Variants in VSNL1 observed in about 807,000 individuals in gnomAD.
VSNL1 encodes visinin-like protein 1.
VSNL1 carries 6 observed loss-of-function variants against 20.4 expected under a neutral mutation model. The ratio of observed to expected loss-of-function variants is 0.29; its 90% CI spans 0.16 to 0.58. The LOEUF is 0.58. VSNL1 is among the 20% of genes least tolerant of loss of function. The pLI, the probability that VSNL1 is intolerant of heterozygous loss-of-function variation, is 0.90. For synonymous variants in VSNL1, 93 were observed against 86.4 expected (o/e 1.08, Z -0.42); for missense variants, 100 against 234.5 (o/e 0.43, Z 3.75).
At chr2:17,553,741 G>A (rs1387426401) in intron 1 of VSNL1, among the ~76,000 whole-genome samples, 1 of 152,202 alleles carries the variant, frequency 6.6e-6, no homozygotes, top group African/African-American at 2.4e-5. Flanking sequence ...TTGAGCCCCA[G>A]TCTTATTTGT....
chr2:17,621,210 C>T (rs913610523), intron 2 of VSNL1, among the ~76,000 whole-genome samples: 2 of 151,558 alleles, frequency 1.3e-5, no homozygotes, highest in African/African-American at 2.4e-5. Context: ...TTTCTTCCTT[C>T]CTTCCTTTCT....
intron 2 of VSNL1, among the ~76,000 whole-genome samples, chr2:17,597,713 C>T (rs1664740477): frequency 6.6e-6 from 1 of 152,184 alleles, no homozygotes; most frequent in African/African-American, 2.4e-5. Context: ...TAGCTAAGAG[C>T]AGGCTTATCC....
At chr2:17,578,416 G>A (rs1253877169) in intron 1 of VSNL1, among the ~76,000 whole-genome samples, 1 of 152,218 alleles carries the variant, frequency 6.6e-6, no homozygotes, top group Admixed American at 6.5e-5. Context: ...TCAACATGGA[G>A]GGACATTAGG....
intron 1 of VSNL1, among the ~76,000 whole-genome samples, chr2:17,573,215 A>C (rs754515419): frequency 6.6e-6 from 1 of 152,228 alleles, no homozygotes; most frequent in Non-Finnish European, 1.5e-5. Flanking sequence ...CTCATGTTTT[A>C]AGTCTGGGAG....
At chr2:17,575,265 T>C (rs886737060) in intron 1 of VSNL1, among the ~76,000 whole-genome samples, 2 of 152,182 alleles carry the variant, frequency 1.3e-5, no homozygotes, top group African/African-American at 4.8e-5. Flanking sequence ...TTCAGATTCC[T>C]AAAGTCAGGA....
chr2:17,655,877 C>T lies in VSNL1; in HGVS notation c.*483C>T, dbSNP rs879228176. On this transcript the variant is annotated 3_prime_UTR_variant, in exon 4 of 4. Coordinates refer to ENST00000295156, the MANE Select transcript of VSNL1 (RefSeq NM_003385.5). This position sits in a 1 kb window ranked among gnomAD's most constrained non-coding sequence, Gnocchi z 5.2. ...TTGGCTCCTGTGTCTGGTCCACACA[C>T]CACAGAAGCTTGTATTATCAGTGAA... 1 of 154,300 alleles carries T rather than the reference C, an allele frequency of 6.5e-6. No individual in the cohort carries two copies. Among genetic ancestry groups the T allele is most frequent in the African/African-American group, 2.4e-5 (1 of 41,450 alleles). 9.6% of individuals were successfully genotyped at this position (154,300 alleles called of 1,614,324 possible).
chr2:17,576,405 T>C (rs1277282308), intron 1 of VSNL1, among the ~76,000 whole-genome samples: 2 of 152,246 alleles, frequency 1.3e-5, no homozygotes, highest in Non-Finnish European at 2.9e-5. Flanking sequence ...CCTCTTGGGT[T>C]ATTTCTTTAA....
chr2:17,564,882 C>T (rs1049045856), intron 1 of VSNL1, among the ~76,000 whole-genome samples: 3 of 152,204 alleles, frequency 2.0e-5, no homozygotes, highest in Non-Finnish European at 4.4e-5. Flanking sequence ...CGTAAGATTA[C>T]GGAAATTAAC....
At chr2:17,630,301 G>A (rs951066297) in intron 2 of VSNL1, among the ~76,000 whole-genome samples, 3 of 152,226 alleles carry the variant, frequency 2.0e-5, no homozygotes, top group African/African-American at 4.8e-5. Context: ...GCCCTCTTGA[G>A]TCATTCCCTC....
At chr2:17,607,788 A>T (rs1165836998) in intron 2 of VSNL1, among the ~76,000 whole-genome samples, 3 of 152,264 alleles carry the variant, frequency 2.0e-5, no homozygotes, top group Admixed American at 2.0e-4. Flanking sequence ...TCATAGCTTA[A>T]CTGAAACTCA....
chr2:17,622,324 C>G (rs1459188463), intron 2 of VSNL1, among the ~76,000 whole-genome samples: 2 of 151,136 alleles, frequency 1.3e-5, no homozygotes, highest in Non-Finnish European at 2.9e-5. Context: ...ATGGTGAAAC[C>G]CTGTCTGTAC....
chr2:17,542,199 G>A (rs916224187), intron 1 of VSNL1, among the ~76,000 whole-genome samples: 53 of 137,188 alleles, frequency 3.9e-4, no homozygotes, highest in Non-Finnish European at 6.7e-4. Context: ...AACTGCCTAC[G>A]TGTGTTTGTG....
At chr2:17,554,763 A>C (rs1157256575) in intron 1 of VSNL1, among the ~76,000 whole-genome samples, 1 of 152,176 alleles carries the variant, frequency 6.6e-6, no homozygotes, top group African/African-American at 2.4e-5. Flanking sequence ...TTGGAAAACA[A>C]AACAGAAAAA....
At chr2:17,638,525 G>C (rs1406396748) in intron 2 of VSNL1, among the ~76,000 whole-genome samples, 1 of 152,174 alleles carries the variant, frequency 6.6e-6, no homozygotes, top group African/African-American at 2.4e-5. Context: ...CTCACAGCCA[G>C]TAAGTGGCAT....
At chr2:17,606,623 T>C (rs1286796712) in intron 2 of VSNL1, among the ~76,000 whole-genome samples, 1 of 152,154 alleles carries the variant, frequency 6.6e-6, no homozygotes, top group Non-Finnish European at 1.5e-5. Flanking sequence ...GCAGACTTCA[T>C]GACCATAAAC....
At position 17,639,178 on chromosome 2, in the gene VSNL1, T is replaced by C. The variant is rs544569457; in HGVS notation, c.163-10232T>C. On this transcript the variant is annotated intron_variant, in intron 2 of 3. Transcript: ENST00000295156. ...TTTAACTCCTCATAACATCTCATGT[T>C]GCAAAATGCATTGCTTCGATGGAAA... 3.3e-5 allele frequency among the ~76,000 whole-genome samples: 5 copies of C among 152,344 alleles called. No individual in the cohort carries two copies. In the East Asian group the frequency reaches 9.6e-4, roughly 29 times the overall value.
At chr2:17,629,728 G>A (rs990130319) in intron 2 of VSNL1, among the ~76,000 whole-genome samples, 73 of 152,206 alleles carry the variant, frequency 4.8e-4, no homozygotes, top group African/African-American at 1.7e-3. Context: ...GATTGTACCC[G>A]CATTCAACAA....
intron 1 of VSNL1, among the ~76,000 whole-genome samples, chr2:17,584,052 T>C (rs568070922): frequency 6.6e-6 from 1 of 152,330 alleles, no homozygotes; most frequent in South Asian, 2.1e-4. Context: ...CAAATAACAT[T>C]ATTTTATTTG....
At chr2:17,609,527 C>T (rs1347860983) in intron 2 of VSNL1, among the ~76,000 whole-genome samples, 1 of 152,222 alleles carries the variant, frequency 6.6e-6, no homozygotes, top group Admixed American at 6.5e-5. Context: ...ATCAGCCTCT[C>T]TTCTGAAGGT....
Sources: allele counts gnomAD v4.1 joint callset (sites outside exome capture counted in the v4.1 genomes callset), GRCh38; gene constraint gnomAD v4.1.1; non-coding constraint Gnocchi (gnomAD v3.1); transcripts MANE v1.5; gene names NCBI Gene and HGNC (gene_info 2026-07-23, HGNC 2026-07-21).